NEMF: variants seen among roughly 807,000 people sequenced by gnomAD.
The protein encoded by NEMF is ribosome quality control complex subunit NEMF.
NEMF carries 89 observed loss-of-function variants against 162.2 expected under a neutral mutation model. The ratio of observed to expected loss-of-function variants is 0.55; its 90% CI spans 0.46 to 0.65. NEMF has a LOEUF of 0.65. Ranked by LOEUF, NEMF falls within the 30% of genes least tolerant of loss-of-function variation. NEMF has a pLI of 0.00. For synonymous variants in NEMF, 421 were observed against 404.5 expected, an observed-to-expected ratio of 1.04 and a Z score of -0.49; for missense variants, 1,133 against 1,261.9, an observed-to-expected ratio of 0.90 and a Z score of 1.55.
Position 49,828,346 on chromosome 14 carries a change from T to C in NEMF, c.1433A>G (p.Asp478Gly). Residue 478 changes from aspartate (D) to glycine (G), a missense_variant, in exon 15 of 33, where the codon GAT becomes GGT. Around this residue, in one of 3 missense-constraint regions of NEMF, gnomAD observed 582 missense variants for 631.5 expected, o/e 0.92. Coordinates refer to ENST00000298310, the MANE Select transcript of NEMF (RefSeq NM_004713.6). ...TTTCTTAGCAGCATATCTCTTGTGA[T>C]CATAATACCTAGAAAAACATATTTC... ...SAYANAKKYY[D>G]HKRYAAKKTQ... 1 of 1,572,948 alleles carries C rather than the reference T, an allele frequency of 6.4e-7. No homozygotes were observed. Among genetic ancestry groups the C allele is most frequent in the Non-Finnish European group, 8.7e-7 (1 of 1,152,502 alleles).
chr14:49,826,802 G>A (rs1486172062), intron 15 of NEMF, among the ~76,000 whole-genome samples: 1 of 152,088 alleles, frequency 6.6e-6, no homozygotes, highest in East Asian at 1.9e-4. Flanking sequence ...ATGTTGGGCT[G>A]GGGGGAGTGT....
intron 16 of NEMF, chr14:49,818,474 A>T (rs1385109417): frequency 2.6e-5 from 4 of 152,244 alleles, no homozygotes; most frequent in African/African-American, 9.6e-5. Context: ...TCATAAAAGG[A>T]TAAACAAATG....
At chr14:49,791,366 G>A (rs997243213) in intron 26 of NEMF, among the ~76,000 whole-genome samples, 9 of 152,092 alleles carry the variant, frequency 5.9e-5, no homozygotes, top group African/African-American at 2.2e-4. Flanking sequence ...AAGCAAGCAT[G>A]AGCCTTCTGG....
chr14:49,843,911 C>A (rs1319738553), intron 4 of NEMF, among the ~76,000 whole-genome samples: 1 of 152,114 alleles, frequency 6.6e-6, no homozygotes, highest in Admixed American at 6.6e-5. Context: ...ACAGTCTGGC[C>A]AATATGGTGA....
chr14:49,831,989 G>A (rs1022578235), intron 10 of NEMF, 62 bp downstream of exon 10: 13 of 1,093,008 alleles, frequency 1.2e-5, no homozygotes, highest in East Asian at 2.5e-5. Context: ...ATAGAAGCAA[G>A]TTGATATCAA....
chr14:49,818,970 A>G (rs1382907315), intron 16 of NEMF, among the ~76,000 whole-genome samples: 1 of 152,186 alleles, frequency 6.6e-6, no homozygotes, highest in East Asian at 1.9e-4. Context: ...ATACCCTACC[A>G]TAAAATGTAA....
intron 15 of NEMF, among the ~76,000 whole-genome samples, chr14:49,827,247 C>T (rs1224377511): frequency 6.6e-6 from 1 of 152,166 alleles, no homozygotes; most frequent in East Asian, 1.9e-4. Flanking sequence ...AGTGCAATGG[C>T]ATGATCTCAG....
Position 49,802,579 on chromosome 14 carries a change from G to C in NEMF, c.1975-6C>G. 6.2e-7 allele frequency: 1 copy of C among 1,613,096 alleles called. No homozygotes were observed. ...CAAACACAAGACTCATCTACCTAAA[G>C]AAACAGTTATTTTTCAGTGACGGAG... On this transcript the variant is annotated splice_region_variant and splice_polypyrimidine_tract_variant and intron_variant, in intron 21 of 32. Transcript: ENST00000298310.
intron 26 of NEMF, among the ~76,000 whole-genome samples, chr14:49,790,629 T>C (rs891728620): frequency 3.9e-5 from 6 of 152,116 alleles, no homozygotes; most frequent in African/African-American, 7.2e-5. Flanking sequence ...GCAAACAACA[T>C]GTATGCCACA....
chr14:49,805,923 C>T (rs1041550858), intron 19 of NEMF, 98 bp downstream of exon 19: 11 of 629,892 alleles, frequency 1.7e-5, no homozygotes, highest in Non-Finnish European at 3.0e-5. Flanking sequence ...AGAGTTAGCT[C>T]TATTGAGCCT....
intron 16 of NEMF, among the ~76,000 whole-genome samples, chr14:49,823,309 G>C (rs796418153): frequency 6.6e-6 from 1 of 151,004 alleles, no homozygotes; most frequent in African/African-American, 2.4e-5. Flanking sequence ...TGCCAAAAAA[G>C]AATACTAAAA....
At position 49,840,707 on chromosome 14, in the gene NEMF, A is replaced by G. The variant is rs974213656; in HGVS notation, c.506+11T>C. 1.2e-6 allele frequency: 2 copies of G among 1,605,098 alleles called. No individual in the cohort carries two copies. The highest frequency in any genetic ancestry group is 1.8e-5 in the Admixed American group (1 of 57,058). On this transcript the variant is annotated intron_variant, in intron 5 of 32. Transcript: ENST00000298310. Reference sequence around the variant, plus strand: ...ACAATACGAAATGGGTTTAAAAACAAAACACTTTACCTTTCCAAAGTAAGC... The same window carrying G: ...ACAATACGAAATGGGTTTAAAAACAGAACACTTTACCTTTCCAAAGTAAGC...
In NEMF at chr14:49,845,404, C is replaced by T. The variant is rs190200736; in HGVS notation, c.357+736G>A. ...GATTACAGGTGTGAGCCACTGTGCC[C>T]GGCCTGAGTCATTGCGCTCAGCCAA... On this transcript the variant is annotated intron_variant, in intron 4 of 32. Transcript: ENST00000298310. 4.9e-4 allele frequency among the ~76,000 whole-genome samples: 75 copies of T among 152,254 alleles called. No individual in the cohort carries two copies. In the East Asian group the frequency reaches 0.013, roughly 25 times the overall value.
intron 16 of NEMF, among the ~76,000 whole-genome samples, chr14:49,817,263 T>C (rs1414317312): frequency 6.6e-6 from 1 of 152,022 alleles, no homozygotes; most frequent in Non-Finnish European, 1.5e-5. Flanking sequence ...GCCAACATGA[T>C]GAAACCTCAT....
intron 27 of NEMF, 45 bp from the exon 28 acceptor site, chr14:49,789,388 A>G: frequency 1.2e-6 from 2 of 1,611,454 alleles, no homozygotes; most frequent in Non-Finnish European, 1.7e-6. Flanking sequence ...TATTTTCAAT[A>G]CTGTGAATAT....
intron 4 of NEMF, among the ~76,000 whole-genome samples, chr14:49,841,876 C>T (rs1204176716): frequency 6.6e-6 from 1 of 151,972 alleles, no homozygotes; most frequent in African/African-American, 2.4e-5. Flanking sequence ...GAGGCTGAGG[C>T]GGGCAGATCA....
chr14:49,844,891 C>T, intron 4 of NEMF: 1 of 338,000 alleles, frequency 3.0e-6, no homozygotes, highest in Non-Finnish European at 6.3e-6. Flanking sequence ...GCCTCAGCCT[C>T]CCGAGTAGCT....
At chr14:49,813,925 C>G in intron 18 of NEMF, 63 bp downstream of exon 18, 1 of 994,014 alleles carries the variant, frequency 1.0e-6, no homozygotes, top group Non-Finnish European at 1.6e-6. Flanking sequence ...TTTTGTCTTA[C>G]AGTCACACTA....
chr14:49,798,682 G>T (rs1890803684), intron 25 of NEMF, among the ~76,000 whole-genome samples: 1 of 152,280 alleles, frequency 6.6e-6, no homozygotes, highest in South Asian at 2.1e-4. Flanking sequence ...GCCAAAGCGG[G>T]TGATCACGAG....
Sources: allele counts gnomAD v4.1 joint callset (sites outside exome capture counted in the v4.1 genomes callset), GRCh38; gene constraint gnomAD v4.1.1; regional missense constraint gnomAD v4.1.1; transcripts MANE v1.5; gene names NCBI Gene and HGNC (gene_info 2026-07-23, HGNC 2026-07-21).